The following MEX3B variants were observed in gnomAD, a reference collection of about 807,000 sequenced individuals.
MEX3B encodes the protein RNA-binding protein MEX3B.
Under a neutral mutation model 12.2 loss-of-function variants are expected in MEX3B, and 10 were observed. The observed-to-expected ratio is 0.82, with a 90% confidence interval of 0.51 to 1.40. The LOEUF is 1.40. MEX3B is among the 40% of genes most tolerant of loss of function. The probability of loss-of-function intolerance (pLI) is 0.00; values close to 1 mark genes in which losing one functional copy is unlikely to be tolerated. For synonymous variants in MEX3B, 498 were observed against 356.3 expected, an observed-to-expected ratio of 1.40 and a Z score of -4.48; for missense variants, 839 against 801.4, an observed-to-expected ratio of 1.05 and a Z score of -0.57.
chr15:82,044,133 G>A lies in MEX3B; in HGVS notation c.737C>T (p.Thr246Ile), dbSNP rs2073241043. ...ATGATGCAGATCGAAGCCCACATCG[G>A]TGCCGTTGGCGTGGAAGTCGTTCTC... ...TDENDFHANG[T>I]DVGFDLHHGS... is the part of the protein sequence containing the mutation. Residue 246 changes from threonine to isoleucine, a missense_variant, in exon 2 of 2, where the codon ACC becomes ATC. This residue lies in a region of MEX3B where 573 missense variants were observed against 488.9 expected (regional missense o/e 1.17). Transcript: ENST00000329713. The surrounding 1 kb of genome is among the most constrained non-coding windows in gnomAD (Gnocchi z 5.3). The A allele has an allele frequency of 6.2e-7, 1 of 1,613,548 alleles. No individual in the cohort carries two copies. The highest frequency in any genetic ancestry group is 8.5e-7 in the Non-Finnish European group (1 of 1,180,034).
intron 1 of MEX3B, 33 bp downstream of exon 1, chr15:82,045,417 C>T (rs1352719505): frequency 1.3e-6 from 2 of 1,566,102 alleles, no homozygotes; most frequent in East Asian, 2.3e-5. Flanking sequence ...CCTACACCAC[C>T]CCCACCCACC....
Position 82,045,466 on chromosome 15 carries a change from C to G in MEX3B, c.240G>C (p.Glu80Asp), listed in dbSNP as rs1411983577. Reference protein sequence around the residue: ...VPVPSSEHVAEIVGRQGCKIK... With the variant: ...VPVPSSEHVADIVGRQGCKIK... ...TCGACCTACCTTGCCGCCCCACGATCTCGGCGACATGCTCAGAACTGGGTA... is the reference window on the plus strand; with the variant it reads ...TCGACCTACCTTGCCGCCCCACGATGTCGGCGACATGCTCAGAACTGGGTA... The change falls in exon 1 of 2, where the codon GAG (glutamate) becomes GAC (aspartate). Residue 80 changes from glutamate (E) to aspartate (D), a missense_variant. Physicochemically the swap from Glu to Asp is conservative, Grantham distance 45 (BLOSUM62 2). Around this residue, in one of 3 missense-constraint regions of MEX3B, gnomAD observed 214 missense variants for 223.8 expected, o/e 0.96. Coordinates refer to ENST00000329713, the MANE Select transcript of MEX3B (RefSeq NM_032246.6). 2 of 1,584,446 alleles carry G rather than the reference C, an allele frequency of 1.3e-6. No homozygotes were observed. The highest frequency in any genetic ancestry group is 1.7e-6 in the Non-Finnish European group (2 of 1,160,424).
At chr15:82,045,412 A>ACC in intron 1 of MEX3B, 38 bp downstream of exon 1, 4 of 1,573,606 alleles carry the variant, frequency 2.5e-6, no homozygotes, top group Non-Finnish European at 2.6e-6. Context: ...GAGACCCTAC[A>ACC]CCACCCCCAC....
Position 82,043,722 on chromosome 15 carries a change from G to A in MEX3B, c.1148C>T (p.Ser383Phe). 1 of 1,582,298 alleles carries A rather than the reference G, an allele frequency of 6.3e-7. No homozygotes were observed. The highest frequency in any genetic ancestry group is 8.6e-7 in the Non-Finnish European group (1 of 1,166,356). Residue 383 changes from serine to phenylalanine, a missense_variant, in exon 2 of 2, where the codon TCC (serine) becomes TTC (phenylalanine). By Grantham distance (155) the Ser-to-Phe change is radical (BLOSUM62 -2). Around this residue, in one of 3 missense-constraint regions of MEX3B, gnomAD observed 573 missense variants for 488.9 expected, o/e 1.17. Transcript: ENST00000329713. ...CGGAGCTGCAGGTCCGCCTCCCGGG[G>A]ACCGCTCGAACTGGGCCCAGATAAG... ...APLIWAQFER[S>F]PGGGPAAPVS... is the part of the protein sequence containing the mutation.
At position 82,043,678 on chromosome 15, in the gene MEX3B, A is replaced by C; in HGVS notation, c.1192T>G (p.Ser398Ala). 6.2e-7 allele frequency: 1 copy of C among 1,608,792 alleles called. No individual in the cohort carries two copies. The highest frequency in any genetic ancestry group is 8.5e-7 in the Non-Finnish European group (1 of 1,177,642). Residue 398 changes from serine (S) to alanine (A), a missense_variant, in exon 2 of 2, where the codon TCT becomes GCT. Physicochemically the swap from Ser to Ala is moderately conservative, Grantham distance 99 (BLOSUM62 1). Transcript: ENST00000329713. ...PAAPVSSSCSSSASSSASSSS... is the reference protein window; with the variant it reads ...PAAPVSSSCSASASSSASSSS... ...GAAGAAGCAGACGAAGATGCAGAAG[A>C]AGAGCAGGAAGAAGATACCGGAGCT... is the stretch of plus-strand genomic sequence containing the variant.
At chr15:82,045,128 C>G (rs1034181978) in intron 1 of MEX3B, 1 of 605,126 alleles carries the variant, frequency 1.7e-6, no homozygotes, top group East Asian at 2.7e-5. Context: ...TTCCTCCTCC[C>G]AAAGGACTGA....
chr15:82,043,665 G>A lies in MEX3B; in HGVS notation c.1205C>T (p.Ser402Leu), dbSNP rs1400186954. The part of the protein sequence containing the change: ...VSSSCSSSAS[S>L]SASSSSVVFP... ...GACCACGGAGGAGGAAGAAGCAGACGAAGATGCAGAAGAAGAGCAGGAAGA... is the reference window on the plus strand; with the variant it reads ...GACCACGGAGGAGGAAGAAGCAGACAAAGATGCAGAAGAAGAGCAGGAAGA... Residue 402 changes from serine (S) to leucine (L), a missense_variant, in exon 2 of 2, where the codon TCG (serine) becomes TTG (leucine). Physicochemically the swap from Ser to Leu is moderately radical, Grantham distance 145. This residue lies in a region of MEX3B where 573 missense variants were observed against 488.9 expected (regional missense o/e 1.17). Coordinates refer to ENST00000329713, the MANE Select transcript of MEX3B (RefSeq NM_032246.6). 3 of 1,610,590 alleles carry A rather than the reference G, an allele frequency of 1.9e-6. No homozygotes were observed. Among genetic ancestry groups the A allele is most frequent in the East Asian group, 2.2e-5 (1 of 44,866 alleles).
chr15:82,043,028 G>A lies in MEX3B; in HGVS notation c.*132C>T. 3 of 674,118 alleles carry A rather than the reference G, an allele frequency of 4.5e-6. No individual in the cohort carries two copies. The highest frequency in any genetic ancestry group is 6.5e-6 in the Non-Finnish European group (3 of 461,418). 41.8% of individuals were successfully genotyped at this position (674,118 alleles called of 1,614,324 possible). On this transcript the variant is annotated 3_prime_UTR_variant, in exon 2 of 2. Transcript: ENST00000329713. Reference sequence around the variant, plus strand: ...CTTTCCAAGCTCCTCTCGGATCTCAGAGTGTTGGTGGGGCCGGGAAGGAGA... The same window carrying A: ...CTTTCCAAGCTCCTCTCGGATCTCAAAGTGTTGGTGGGGCCGGGAAGGAGA...
At chr15:82,045,073 C>T in intron 1 of MEX3B, 2 of 596,864 alleles carry the variant, frequency 3.4e-6, no homozygotes, top group Non-Finnish European at 3.0e-6. Context: ...TTCCGCTTTG[C>T]AGAAATCCAG....
chr15:82,043,395 C>T lies in MEX3B; in HGVS notation c.1475G>A (p.Gly492Asp). 1 of 1,584,234 alleles carries T rather than the reference C, an allele frequency of 6.3e-7. No homozygotes were observed. The highest frequency in any genetic ancestry group is 2.3e-5 in the East Asian group (1 of 44,074). The change falls in exon 2 of 2, where the codon GGC (glycine) becomes GAC (aspartate). Residue 492 changes from glycine (G) to aspartate (D), a missense_variant. Coordinates refer to ENST00000329713, the MANE Select transcript of MEX3B (RefSeq NM_032246.6). Reference sequence around the variant, plus strand: ...GGAGGAGCTGGACGAAGAGGAGGAGCCCGACGTGTCCGACGGCTGCAAGCC... The same window carrying T: ...GGAGGAGCTGGACGAAGAGGAGGAGTCCGACGTGTCCGACGGCTGCAAGCC... ...LPGLQPSDTS[G>D]SSSSSSSSSS...
rs754554851 is a variant in MEX3B, at chr15:82,043,716, C to T, written c.1154G>A (p.Gly385Glu). ...AGATACCGGAGCTGCAGGTCCGCCT[C>T]CCGGGGACCGCTCGAACTGGGCCCA... ...LIWAQFERSPGGGPAAPVSSS... is the reference protein window; with the variant it reads ...LIWAQFERSPEGGPAAPVSSS... Residue 385 changes from glycine to glutamate, a missense_variant, in exon 2 of 2, where the codon GGA becomes GAA. Physicochemically the swap from Gly to Glu is moderately conservative, Grantham distance 98. Around this residue, in one of 3 missense-constraint regions of MEX3B, gnomAD observed 573 missense variants for 488.9 expected, o/e 1.17. Transcript: ENST00000329713. The T allele has an allele frequency of 1.9e-6, 3 of 1,586,282 alleles. No homozygotes were observed. Among genetic ancestry groups the T allele is most frequent in the African/African-American group, 1.4e-5 (1 of 73,944 alleles).
Position 82,043,194 on chromosome 15 carries a change from G to A in MEX3B, c.1676C>T (p.Thr559Ile). 6.4e-7 allele frequency: 1 copy of A among 1,560,790 alleles called. No individual in the cohort carries two copies. Among genetic ancestry groups the A allele is most frequent in the Non-Finnish European group, 8.7e-7 (1 of 1,152,468 alleles). ...GATGCGGATGGCCTGAGTGACCGCG[G>A]TGTGGCAGACCGGGCACTCGGGCTC... is the stretch of plus-strand genomic sequence containing the variant. ...KSEPECPVCH[T>I]AVTQAIRIFS Residue 559 changes from threonine (T) to isoleucine (I), a missense_variant, in exon 2 of 2, where the codon ACC becomes ATC. Physicochemically the swap from Thr to Ile is moderately conservative, Grantham distance 89. This residue lies in a region of MEX3B where 573 missense variants were observed against 488.9 expected (regional missense o/e 1.17). Transcript: ENST00000329713.
chr15:82,045,224 T>C (rs1031460477), intron 1 of MEX3B: 3 of 655,496 alleles, frequency 4.6e-6, no homozygotes, highest in African/African-American at 3.6e-5. Flanking sequence ...GAGAAGGCAG[T>C]GATTTTAGCA....
chr15:82,044,951 G>T lies in MEX3B; in HGVS notation c.257-338C>A, dbSNP rs1168300070. ...GGCGCGCCGTCAGCTCTGAAGACAC[G>T]GGGAAGGGGCTCGGGGAAGGCAGCT... On this transcript the variant is annotated intron_variant, in intron 1 of 1. Coordinates refer to ENST00000329713, the MANE Select transcript of MEX3B (RefSeq NM_032246.6). The surrounding 1 kb of genome is among the most constrained non-coding windows in gnomAD (Gnocchi z 5.3). The T allele has an allele frequency of 3.5e-6, 2 of 576,196 alleles. No homozygotes were observed. 35.7% of individuals were successfully genotyped at this position (576,196 alleles called of 1,614,324 possible).
chr15:82,045,220 G>A (rs925471177), intron 1 of MEX3B: 90 of 652,910 alleles, frequency 1.4e-4, no homozygotes, highest in East Asian at 4.9e-4. Context: ...AGGGGAGAAG[G>A]CAGTGATTTT....
rs1045920819 is a variant in MEX3B at position 82,043,937 on chromosome 15, A to G, written c.933T>C (p.Ala311=). 4 of 1,604,970 alleles carry G rather than the reference A, an allele frequency of 2.5e-6. No homozygotes were observed. The highest frequency in any genetic ancestry group is 3.4e-6 in the Non-Finnish European group (4 of 1,178,266). ...FGGGTSSSAA[A]TQRLADYSPP... ...GGCTGTAGTCCGCCAGGCGCTGGGT[A>G]GCCGCTGCGCTGCTGCTGGTCCCGC... The change falls in exon 2 of 2, where the codon GCT becomes GCC. Residue 311 remains alanine (A), a synonymous_variant. Transcript: ENST00000329713.
In MEX3B at chr15:82,043,370, G is replaced by A. The variant is rs375172933; in HGVS notation, c.1500C>T (p.Ser500=). Residue 500 remains serine (S), a synonymous_variant, in exon 2 of 2, where the codon TCC becomes TCT. Transcript: ENST00000329713. ...TSGSSSSSSS[S]SSSSSSSSGL... is the part of the protein sequence containing the mutation. ...CGGAGGAAGAGGATGAAGAGCTGGA[G>A]GAGGAGCTGGACGAAGAGGAGGAGC... The A allele has an allele frequency of 1.3e-4, 200 of 1,589,524 alleles. No individual in the cohort carries two copies. The highest frequency in any genetic ancestry group is 1.6e-4 in the Non-Finnish European group (190 of 1,168,066).
rs1192727362 is a variant in MEX3B at position 82,043,378 on chromosome 15, T to TGGACGAAGAGGAGGAGCC, written c.1474_1491dup (p.Gly492_Ser497dup). On this transcript the variant is annotated inframe_insertion, in exon 2 of 2. Coordinates refer to ENST00000329713, the MANE Select transcript of MEX3B (RefSeq NM_032246.6). The stretch of plus-strand genomic sequence containing the variant: ...GAGGATGAAGAGCTGGAGGAGGAGC[T>TGGACGAAGAGGAGGAGCC]GGACGAAGAGGAGGAGCCCGACGTG... The TGGACGAAGAGGAGGAGCC allele has an allele frequency of 1.3e-6, 2 of 1,587,858 alleles. No individual in the cohort carries two copies. Among genetic ancestry groups the TGGACGAAGAGGAGGAGCC allele is most frequent in the East Asian group, 2.2e-5 (1 of 44,590 alleles).
At position 82,045,565 on chromosome 15, in the gene MEX3B, G is replaced by C; in HGVS notation, c.141C>G (p.Asp47Glu). 6.2e-7 allele frequency: 1 copy of C among 1,611,652 alleles called. No individual in the cohort carries two copies. The highest frequency in any genetic ancestry group is 8.5e-7 in the Non-Finnish European group (1 of 1,179,720). Residue 47 changes from aspartate (D) to glutamate (E), a missense_variant, in exon 1 of 2, where the codon GAC becomes GAG. By Grantham distance (45) the Asp-to-Glu change is conservative. Coordinates refer to ENST00000329713, the MANE Select transcript of MEX3B (RefSeq NM_032246.6). ...CGTACAGAGAGGCGCCCTCGTCACT[G>C]TCCAGCCCCAGCAGGGAGAGCTGGT... is the stretch of plus-strand genomic sequence containing the variant. ...ALDQLSLLGL[D>E]SDEGASLYDS... is the part of the protein sequence containing the mutation.
Sources: gnomAD v4.1 joint callset for allele counts on GRCh38, gnomAD v4.1.1 for gene constraint, gnomAD v4.1.1 regional missense constraint, Gnocchi (gnomAD v3.1) non-coding constraint, MANE v1.5 for transcripts, NCBI Gene and HGNC (gene_info 2026-07-23, HGNC 2026-07-21) for gene names.